ZNF680: variants seen among roughly 807,000 people sequenced by gnomAD.
ZNF680 encodes hypothetical protein FLJ90430.
ZNF680 carries 6 observed loss-of-function variants against 12.1 expected under a neutral mutation model. The observed-to-expected ratio is 0.49, with a 90% CI of 0.27 to 0.98. The LOEUF is 0.98. ZNF680 is among the 50% of genes least tolerant of loss of function. ZNF680 has a pLI of 0.12. For missense variants in ZNF680, 561 were observed against 616.3 expected (o/e 0.91, Z 0.95); for synonymous variants, 170 against 199.3 (o/e 0.85, Z 1.24).
the ZNF680 span, among the ~76,000 whole-genome samples, chr7:64,499,714 G>T: frequency 6.6e-6 from 1 of 152,126 alleles, no homozygotes; most frequent in South Asian, 2.1e-4. Flanking sequence ...ATTGCACTCC[G>T]GCCTGGGTGA....
chr7:64,560,344 C>T (rs1403623430), intron 1 of ZNF680, among the ~76,000 whole-genome samples: 1 of 152,094 alleles, frequency 6.6e-6, no homozygotes, highest in Admixed American at 6.6e-5. Context: ...GAATTCCTGA[C>T]CTCAGGTGAT....
chr7:64,528,270 G>C (rs2116403097), intron 3 of ZNF680, among the ~76,000 whole-genome samples: 1 of 152,278 alleles, frequency 6.6e-6, no homozygotes, highest in African/African-American at 2.4e-5. Flanking sequence ...GCTGAACTTT[G>C]TGACAATTTG....
chr7:64,506,193 A>ATTTTT, the ZNF680 span, among the ~76,000 whole-genome samples: 1 of 105,580 alleles, frequency 9.5e-6, no homozygotes, highest in African/African-American at 3.5e-5. Flanking sequence ...AGTCTTTTAG[A>ATTTTT]TTTTTTTTTT....
At chr7:64,524,053 G>T (rs1452442169) in intron 3 of ZNF680, among the ~76,000 whole-genome samples, 1 of 150,826 alleles carries the variant, frequency 6.6e-6, no homozygotes, top group Non-Finnish European at 1.5e-5. Context: ...GAGAGAAGAA[G>T]AGGTCAAAAT....
At chr7:64,527,449 A>C (rs985829547) in intron 3 of ZNF680, among the ~76,000 whole-genome samples, 1 of 152,190 alleles carries the variant, frequency 6.6e-6, no homozygotes, top group African/African-American at 2.4e-5. Context: ...TAATCCCAGC[A>C]GTTTGGGAGG....
At chr7:64,514,857 A>G in the ZNF680 span, among the ~76,000 whole-genome samples, 1 of 152,210 alleles carries the variant, frequency 6.6e-6, no homozygotes, top group African/African-American at 2.4e-5. Context: ...CATCCTGACC[A>G]ACATGGAGAA....
At chr7:64,533,927 T>C (rs1786021758) in intron 3 of ZNF680, among the ~76,000 whole-genome samples, 1 of 152,152 alleles carries the variant, frequency 6.6e-6, no homozygotes, top group Non-Finnish European at 1.5e-5. Flanking sequence ...GGAAACCCTT[T>C]TCAACAAAAG....
At chr7:64,525,250 C>G (rs1791776390) in intron 3 of ZNF680, 1 of 152,094 alleles carries the variant, frequency 6.6e-6, no homozygotes, top group South Asian at 2.1e-4. Flanking sequence ...CATATATGAT[C>G]ATATAGGTCA....
At chr7:64,519,515 A>G (rs553547199), downstream of ZNF680, among the ~76,000 whole-genome samples, 15 of 151,924 alleles carry the variant, frequency 9.9e-5, no homozygotes, top group Non-Finnish European at 2.1e-4. Context: ...AAGGCATTAT[A>G]TGAAAAAAGA....
intron 1 of ZNF680, among the ~76,000 whole-genome samples, chr7:64,558,687 AAC>A (rs554439311): frequency 1.0e-3 from 157 of 152,258 alleles, no homozygotes; most frequent in African/African-American, 3.7e-3. Context: ...TGTAAAATAA[AAC>A]ACAGATTTAT....
At chr7:64,515,550 T>C (rs2116334008), downstream of ZNF680, among the ~76,000 whole-genome samples, 1 of 152,062 alleles carries the variant, frequency 6.6e-6, no homozygotes, top group African/African-American at 2.4e-5. Context: ...CCACCCCATA[T>C]AATGTAAAAT....
the ZNF680 span, among the ~76,000 whole-genome samples, chr7:64,504,471 G>A: frequency 2.6e-5 from 4 of 151,628 alleles, no homozygotes; most frequent in East Asian, 5.8e-4. Context: ...TTTGGTTTAC[G>A]TTTAACTGTT....
chr7:64,510,292 C>T, the ZNF680 span, among the ~76,000 whole-genome samples: 4 of 151,728 alleles, frequency 2.6e-5, no homozygotes, highest in African/African-American at 4.8e-5. Context: ...AACCAAACCT[C>T]GTAGTAACTC....
chr7:64,535,334 A>C (rs1786103138), intron 3 of ZNF680, among the ~76,000 whole-genome samples: 1 of 151,502 alleles, frequency 6.6e-6, no homozygotes, highest in Admixed American at 6.6e-5. Context: ...ACGCCACTGC[A>C]AACCAGCCTG....
intron 1 of ZNF680, among the ~76,000 whole-genome samples, chr7:64,557,213 T>C (rs558487901): frequency 1.3e-5 from 2 of 150,542 alleles, no homozygotes; most frequent in Admixed American, 1.3e-4. Flanking sequence ...ATCGCGCCAC[T>C]GCACTCCAGA....
At chr7:64,528,110 G>C (rs1467837885) in intron 3 of ZNF680, among the ~76,000 whole-genome samples, 1 of 143,542 alleles carries the variant, frequency 7.0e-6, no homozygotes, top group Non-Finnish European at 1.6e-5. Context: ...TGAGAGCCAA[G>C]TGAAATATGG....
intron 1 of ZNF680, among the ~76,000 whole-genome samples, chr7:64,562,390 ATGTAAC>A (rs1295071478): frequency 2.6e-5 from 4 of 152,200 alleles, no homozygotes. Flanking sequence ...TTAAGAAGTT[ATGTAAC>A]TGTACCTAAC....
At chr7:64,514,806 G>A in the ZNF680 span, among the ~76,000 whole-genome samples, 1 of 152,176 alleles carries the variant, frequency 6.6e-6, no homozygotes, top group South Asian at 2.1e-4. Flanking sequence ...CACTTTGGGA[G>A]GCCATGGCAG....
At chr7:64,536,739 T>C (rs1786190039) in intron 3 of ZNF680, among the ~76,000 whole-genome samples, 1 of 152,250 alleles carries the variant, frequency 6.6e-6, no homozygotes, top group Non-Finnish European at 1.5e-5. Context: ...TTGCACCTAG[T>C]GTATTCTGTT....
Sources: allele counts gnomAD v4.1 joint callset (sites outside exome capture counted in the v4.1 genomes callset), GRCh38; gene constraint gnomAD v4.1.1; transcripts MANE v1.5; gene names NCBI Gene and HGNC (gene_info 2026-07-23, HGNC 2026-07-21).